The following SPPL2B variants were observed in gnomAD, a reference collection of about 807,000 sequenced individuals.
SPPL2B encodes signal peptide peptidase-like 2B.
Under a neutral mutation model 59.7 loss-of-function variants are expected in SPPL2B, and 39 were observed. The observed-to-expected ratio is 0.65, with a 90% CI of 0.51 to 0.85. The LOEUF is 0.85. Ranked by LOEUF, SPPL2B falls within the 40% of genes least tolerant of loss-of-function variation. The pLI, the probability that SPPL2B is intolerant of heterozygous loss-of-function variation, is 0.00. For missense variants in SPPL2B, 865 were observed against 849.0 expected, an observed-to-expected ratio of 1.02 and a Z score of -0.23; for synonymous variants, 419 against 370.8, an observed-to-expected ratio of 1.13 and a Z score of -1.49.
rs557167054 is a variant in SPPL2B at position 2,332,320 on chromosome 19, G to A, written c.67-2282G>A. ...TGCATGATTTCAGTGATGAGGGCCCGGCTGTTGGAGAGCCCGTCTGTGCCT... is the reference window on the plus strand; with the variant it reads ...TGCATGATTTCAGTGATGAGGGCCCAGCTGTTGGAGAGCCCGTCTGTGCCT... On this transcript the variant is annotated intron_variant, in intron 1 of 14. Transcript: ENST00000613503. The surrounding 1 kb of genome is among the most constrained non-coding windows in gnomAD (Gnocchi z 4.6). Among the ~76,000 whole-genome samples the A allele has an allele frequency of 8.5e-5, 13 of 152,338 alleles. No homozygotes were observed. The highest frequency in any genetic ancestry group is 1.3e-4 in the Non-Finnish European group (9 of 68,028).
rs1970092131 is a variant in SPPL2B at position 2,354,700 on chromosome 19, C to T, written c.*1491C>T. On this transcript the variant is annotated 3_prime_UTR_variant, in exon 15 of 15. Coordinates refer to ENST00000613503, the MANE Select transcript of SPPL2B (RefSeq NM_152988.3). ...CTCTTTTTTGGTGTTGGACGTTTGA[C>T]CAGTGGGGAGGGGTTCAGAGGCGGC... is the stretch of plus-strand genomic sequence containing the variant. 1.3e-5 allele frequency: 2 copies of T among 152,216 alleles called. No individual in the cohort carries two copies. The highest frequency in any genetic ancestry group is 4.8e-5 in the African/African-American group (2 of 41,430). The allele number at this position is 152,216 out of a possible 1,614,324, so 9.4% of individuals were successfully genotyped here.
chr19:2,341,160 G>A, intron 8 of SPPL2B, 146 bp downstream of exon 8: 1 of 718,602 alleles, frequency 1.4e-6, no homozygotes, highest in Non-Finnish European at 2.5e-6. Flanking sequence ...CCTGGCCCCG[G>A]GCTGCTCTGA....
chr19:2,353,111 G>C lies in SPPL2B; in HGVS notation c.1681G>C (p.Ala561Pro). ...PKSRTSEEMGAGAPMREPGSP... is the reference protein window; with the variant it reads ...PKSRTSEEMGPGAPMREPGSP... ...ATCACGCACGTCCGAGGAGATGGGG[G>C]CTGGAGCCCCCATGCGGGAGCCTGG... Residue 561 changes from alanine to proline, a missense_variant, in exon 15 of 15, where the codon GCT (alanine) becomes CCT (proline). Transcript: ENST00000613503. 6.2e-7 allele frequency: 1 copy of C among 1,610,806 alleles called. No individual in the cohort carries two copies. Among genetic ancestry groups the C allele is most frequent in the Non-Finnish European group, 8.5e-7 (1 of 1,179,256 alleles).
At position 2,344,035 on chromosome 19, in the gene SPPL2B, C is replaced by T. The variant is rs1383854777; in HGVS notation, c.1109C>T (p.Thr370Ile). The T allele has an allele frequency of 6.5e-7, 1 of 1,546,786 alleles. No homozygotes were observed. Among genetic ancestry groups the T allele is most frequent in the Non-Finnish European group, 8.7e-7 (1 of 1,145,506 alleles). Residue 370 changes from threonine (T) to isoleucine (I), a missense_variant, in exon 10 of 15, where the codon ACC becomes ATC. Transcript: ENST00000613503. The stretch of plus-strand genomic sequence containing the variant: ...TTCGTGTTCATCACGCCCTTCCTGA[C>T]CAAGGTAGGCGACTGCCTGTCCCTG... ...IFFVFITPFL[T>I]KSGSSIMVEV...
In SPPL2B at chr19:2,331,612, G is replaced by A. The variant is rs1968297584; in HGVS notation, c.66+2837G>A. On this transcript the variant is annotated intron_variant, in intron 1 of 14. Transcript: ENST00000613503. ...AACCAGTTTTGCGAATTGTGGAGAG[G>A]AAAATGCATGAATGTGCTTTTGTGC... Among the ~76,000 whole-genome samples, 4 of 152,320 alleles carry A rather than the reference G, an allele frequency of 2.6e-5. No homozygotes were observed. The South Asian group carries it at 8.3e-4, about 32-fold the overall frequency.
At chr19:2,346,535 CAT>C (rs1358860166) in intron 13 of SPPL2B, among the ~76,000 whole-genome samples, 2 of 152,146 alleles carry the variant, frequency 1.3e-5, no homozygotes, top group Admixed American at 6.5e-5. Context: ...GGCATGGTGA[CAT>C]GTGCCTGTAG....
intron 2 of SPPL2B, 52 bp downstream of exon 2, chr19:2,334,773 G>C: frequency 6.8e-7 from 1 of 1,468,484 alleles, no homozygotes; most frequent in Non-Finnish European, 9.0e-7. Context: ...GGGGGCCCCG[G>C]GGCTCTAGAG....
intron 10 of SPPL2B, 39 bp downstream of exon 10, chr19:2,344,078 G>GCCCCCCCCCCCCCCCCCCC: frequency 1.6e-6 from 2 of 1,283,606 alleles, no homozygotes; most frequent in South Asian, 2.9e-5. Flanking sequence ...CCATCACCCC[G>GCCCCCCCCCCCCCCCCCCC]CTCCCCCGCC....
intron 13 of SPPL2B, 82 bp downstream of exon 13, chr19:2,345,412 T>G (rs976277492): frequency 9.3e-6 from 11 of 1,188,450 alleles, no homozygotes; most frequent in Non-Finnish European, 1.4e-5. Flanking sequence ...CCCTGACCCC[T>G]AACCCCAACC....
chr19:2,339,259 C>T (rs376466142), intron 5 of SPPL2B, 51 bp downstream of exon 5: 59 of 1,561,450 alleles, frequency 3.8e-5, no homozygotes, highest in African/African-American at 2.8e-4. Context: ...GGCTCTGACA[C>T]GGGCCGGGAC....
intron 3 of SPPL2B, 75 bp from the exon 4 acceptor site, chr19:2,338,677 G>T (rs1968800675): frequency 9.7e-7 from 1 of 1,026,050 alleles, no homozygotes; most frequent in Non-Finnish European, 1.5e-6. Flanking sequence ...CAGGAGAGGA[G>T]GCGAATGGGC....
At chr19:2,339,616 C>T in intron 5 of SPPL2B, 1 of 627,794 alleles carries the variant, frequency 1.6e-6, no homozygotes, top group East Asian at 2.8e-5. Flanking sequence ...CACCCCAGCT[C>T]AACCCAGGGA....
Position 2,351,507 on chromosome 19 carries a change from C to T in SPPL2B, c.1428C>T (p.Tyr476=). The T allele has an allele frequency of 1.9e-6, 3 of 1,611,062 alleles. No homozygotes were observed. Among genetic ancestry groups the T allele is most frequent in the Non-Finnish European group, 2.5e-6 (3 of 1,179,578 alleles). ...LMQRGQPALL[Y]LVPCTLVTSC... ...AGCGTGGCCAGCCCGCTCTCCTCTA[C>T]CTGGTGCCCTGCACGCTGGTGACGA... The change falls in exon 14 of 15, where the codon TAC becomes TAT. Residue 476 remains tyrosine, a synonymous_variant. Transcript: ENST00000613503.
chr19:2,343,260 A>T lies in SPPL2B; in HGVS notation c.1006A>T (p.Met336Leu), dbSNP rs1411697944. ...CCTGGGCATCGCCTTCTGCCTCTAC[A>T]TGCTGAAGACCATCCGTCTGCCCAC... ...DALGIAFCLY[M>L]LKTIRLPTFK... The change falls in exon 9 of 15, where the codon ATG becomes TTG. Residue 336 changes from methionine (M) to leucine (L), a missense_variant. Coordinates refer to ENST00000613503, the MANE Select transcript of SPPL2B (RefSeq NM_152988.3). 3 of 1,555,996 alleles carry T rather than the reference A, an allele frequency of 1.9e-6. No individual in the cohort carries two copies. Among genetic ancestry groups the T allele is most frequent in the Non-Finnish European group, 2.6e-6 (3 of 1,149,388 alleles).
intron 14 of SPPL2B, 73 bp from the exon 15 acceptor site, chr19:2,352,873 G>A: frequency 1.3e-6 from 2 of 1,545,996 alleles, no homozygotes; most frequent in South Asian, 2.3e-5. Flanking sequence ...CGGGTGCTGG[G>A]TGTCCTGGCC....
intron 9 of SPPL2B, among the ~76,000 whole-genome samples, 175 bp downstream of exon 9, chr19:2,343,467 C>T (rs1969174684): frequency 6.6e-6 from 1 of 152,160 alleles, no homozygotes; most frequent in South Asian, 2.1e-4. Context: ...TCCCAAAGCC[C>T]CCGCTGAGGC....
rs1244731159 is a variant in SPPL2B, at chr19:2,340,910, C to G, written c.852C>G (p.Asn284Lys). Residue 284 changes from asparagine to lysine, a missense_variant, in exon 8 of 15, where the codon AAC (asparagine) becomes AAG (lysine). Physicochemically the swap from Asn to Lys is moderately conservative, Grantham distance 94 (BLOSUM62 0). Coordinates refer to ENST00000613503, the MANE Select transcript of SPPL2B (RefSeq NM_152988.3). ...LPFGKCRIPN[N>K]SLPYFHKRPQ... ...CCGTGCCCCCCAGGATCCCCAACAA[C>G]AGCCTGCCCTACTTCCACAAGCGCC... is the stretch of plus-strand genomic sequence containing the variant. The G allele has an allele frequency of 1.3e-6, 2 of 1,593,568 alleles. No homozygotes were observed. Among genetic ancestry groups the G allele is most frequent in the Non-Finnish European group, 1.7e-6 (2 of 1,175,072 alleles).
At chr19:2,343,052 C>G (rs1294746928) in intron 8 of SPPL2B, 159 bp from the exon 9 acceptor site, 1 of 635,314 alleles carries the variant, frequency 1.6e-6, no homozygotes, top group African/African-American at 1.8e-5. Context: ...AGGGGTCCTC[C>G]CACAGGTCTG....
Position 2,352,949 on chromosome 19 carries a change from G to A in SPPL2B, c.1519G>A (p.Val507Ile), listed in dbSNP as rs1970008183. ...CTCTGCCTCCCTTCTCCTGTAGAAAGTCCTACCTCCATCTCCGTGGGCCCC... is the reference window on the plus strand; with the variant it reads ...CTCTGCCTCCCTTCTCCTGTAGAAAATCCTACCTCCATCTCCGTGGGCCCC... ...VFWTGSGFAK[V>I]LPPSPWAPAP... is the part of the protein sequence containing the mutation. The change falls in exon 15 of 15, where the codon GTC (valine) becomes ATC (isoleucine). Residue 507 changes from valine to isoleucine, a missense_variant. Transcript: ENST00000613503. 1 of 1,612,142 alleles carries A rather than the reference G, an allele frequency of 6.2e-7. No homozygotes were observed.
Sources: gnomAD v4.1 joint callset for allele counts (sites outside exome capture counted in the v4.1 genomes callset) on GRCh38, gnomAD v4.1.1 for gene constraint, Gnocchi (gnomAD v3.1) non-coding constraint, MANE v1.5 for transcripts, NCBI Gene and HGNC (gene_info 2026-07-23, HGNC 2026-07-21) for gene names.